SNRPD1: variants seen among roughly 807,000 people sequenced by gnomAD.
The protein encoded by SNRPD1 is small nuclear ribonucleoprotein D1 polypeptide.
A neutral mutation model predicts 14.4 loss-of-function variants in SNRPD1; 1 was observed. That is an observed-to-expected ratio of 0.07 (90% CI 0.02 to 0.33). SNRPD1 has a LOEUF of 0.33. Ranked by LOEUF, SNRPD1 falls within the 10% of genes least tolerant of loss-of-function variation. SNRPD1 has a pLI of 1.00. For synonymous variants in SNRPD1, 42 were observed against 50.3 expected (o/e 0.83, Z 0.70); for missense variants, 52 against 146.4 (o/e 0.36, Z 3.33).
Position 21,612,390 on chromosome 18 carries a change from C to G in SNRPD1, c.-40C>G, listed in dbSNP as rs761271557. ...TCGGTCAGTGTTCGGTTGAAGGATT[C>G]TGTGTGCTGTCGGACCCAGAGGGTG... On this transcript the variant is annotated 5_prime_UTR_variant, in exon 1 of 4. Transcript: ENST00000300413. 6 of 1,527,806 alleles carry G rather than the reference C, an allele frequency of 3.9e-6. No individual in the cohort carries two copies. The highest frequency in any genetic ancestry group is 3.8e-5 in the Admixed American group (2 of 52,504). The allele number at this position is 1,527,806 out of a possible 1,614,324, so 94.6% of individuals were successfully genotyped here.
intron 1 of SNRPD1, among the ~76,000 whole-genome samples, chr18:21,621,041 G>A (rs770458488): frequency 5.9e-5 from 9 of 151,850 alleles, no homozygotes; most frequent in South Asian, 2.1e-4. Flanking sequence ...GGTGGCGAGC[G>A]CCTGTAATCC....
At chr18:21,615,396 A>G (rs2038949816) in intron 1 of SNRPD1, among the ~76,000 whole-genome samples, 1 of 152,104 alleles carries the variant, frequency 6.6e-6, no homozygotes, top group East Asian at 1.9e-4. Context: ...CGGGTAGATC[A>G]CCTGAGGTCA....
At chr18:21,624,672 C>T (rs569067017) in intron 3 of SNRPD1, among the ~76,000 whole-genome samples, 2 of 144,528 alleles carry the variant, frequency 1.4e-5, no homozygotes, top group South Asian at 4.4e-4. Flanking sequence ...GCCTGGGCTA[C>T]AGAGTGAGAC....
At chr18:21,626,310 C>A (rs952893928) in intron 3 of SNRPD1, among the ~76,000 whole-genome samples, 8 of 142,138 alleles carry the variant, frequency 5.6e-5, no homozygotes, top group Admixed American at 1.5e-4. Context: ...AGGAGAATTT[C>A]TTGAACCCAG....
At chr18:21,613,018 CT>C (rs1451227983) in intron 1 of SNRPD1, among the ~76,000 whole-genome samples, 1 of 152,088 alleles carries the variant, frequency 6.6e-6, no homozygotes, top group African/African-American at 2.4e-5. Flanking sequence ...TTAAGTTTAC[CT>C]TTTTATCCTC....
chr18:21,615,317 G>C (rs1223124143), intron 1 of SNRPD1, among the ~76,000 whole-genome samples: 2 of 152,144 alleles, frequency 1.3e-5, no homozygotes, highest in African/African-American at 4.8e-5. Context: ...TTGTGTGTTT[G>C]GAAGTTCTGT....
Position 21,633,109 on chromosome 18 carries a change from C to T in SNRPD1, c.*3971C>T, listed in dbSNP as rs906039429. The T allele has an allele frequency of 2.6e-5, 4 of 152,202 alleles. No homozygotes were observed. The highest frequency in any genetic ancestry group is 9.7e-5 in the African/African-American group (4 of 41,440). 9.4% of individuals were successfully genotyped at this position (152,202 alleles called of 1,614,324 possible). Reference sequence around the variant, plus strand: ...TCGTGATTCGCCCGCCTCGGCCTCCCAAAGTGCTGGGATTACAGGCGTGAG... The same window carrying T: ...TCGTGATTCGCCCGCCTCGGCCTCCTAAAGTGCTGGGATTACAGGCGTGAG... On this transcript the variant is annotated 3_prime_UTR_variant, in exon 4 of 4. Coordinates refer to ENST00000300413, the MANE Select transcript of SNRPD1 (RefSeq NM_006938.4).
Position 21,630,034 on chromosome 18 carries a change from TCTTA to T in SNRPD1, c.*900_*903del, listed in dbSNP as rs1241113366. 1 of 152,192 alleles carries T rather than the reference TCTTA, an allele frequency of 6.6e-6. No homozygotes were observed. Among genetic ancestry groups the T allele is most frequent in the African/African-American group, 2.4e-5 (1 of 41,442 alleles). 9.4% of individuals were successfully genotyped at this position (152,192 alleles called of 1,614,324 possible). The stretch of plus-strand genomic sequence containing the variant: ...TTGCTTTGTTGTCTAGCTGCTAATG[TCTTA>T]CTTTTGTTTCTTTTGCTTTTTAATC... On this transcript the variant is annotated 3_prime_UTR_variant, in exon 4 of 4. Transcript: ENST00000300413.
chr18:21,614,816 T>G (rs965604467), intron 1 of SNRPD1, among the ~76,000 whole-genome samples: 1 of 152,190 alleles, frequency 6.6e-6, no homozygotes, highest in East Asian at 1.9e-4. Context: ...CAGTGAAAGA[T>G]TCATCTGAAA....
chr18:21,614,543 A>T (rs117688795), intron 1 of SNRPD1, among the ~76,000 whole-genome samples: 1 of 152,086 alleles, frequency 6.6e-6, no homozygotes, highest in East Asian at 1.9e-4. Context: ...TTTTCAGTAG[A>T]TTTATTTCTG....
At chr18:21,622,627 T>C in intron 1 of SNRPD1, 98 bp from the exon 2 acceptor site, 1 of 649,032 alleles carries the variant, frequency 1.5e-6, no homozygotes, top group South Asian at 1.9e-5. Context: ...GCAGATAGCA[T>C]CTAGCAAATT....
At chr18:21,617,566 T>G (rs778824516) in intron 1 of SNRPD1, among the ~76,000 whole-genome samples, 22 of 152,218 alleles carry the variant, frequency 1.4e-4, no homozygotes, top group Non-Finnish European at 3.1e-4. Context: ...CTCTTTTAAA[T>G]GTGAATATGA....
rs2039066805 is a variant in SNRPD1 at position 21,629,754 on chromosome 18, A to C, written c.*616A>C. On this transcript the variant is annotated 3_prime_UTR_variant, in exon 4 of 4. Transcript: ENST00000300413. ...CCTTTAAGCTGAACTTGAGATATGT[A>C]AAGAGACTTTAGGCTAAACTTAACA... is the stretch of plus-strand genomic sequence containing the variant. 6.6e-6 allele frequency: 1 copy of C among 152,456 alleles called. No homozygotes were observed. The highest frequency in any genetic ancestry group is 1.5e-5 in the Non-Finnish European group (1 of 68,236). 9.4% of individuals were successfully genotyped at this position (152,456 alleles called of 1,614,324 possible).
chr18:21,627,194 G>A lies in SNRPD1; in HGVS notation c.284-1868G>A, dbSNP rs551017136. On this transcript the variant is annotated intron_variant, in intron 3 of 3. Coordinates refer to ENST00000300413, the MANE Select transcript of SNRPD1 (RefSeq NM_006938.4). ...TGAGGCAGGAGAATCGCTTGAACCC[G>A]AGAGGCGGAGATTGCAGTGAGCAGT... Among the ~76,000 whole-genome samples, 3 of 152,022 alleles carry A rather than the reference G, an allele frequency of 2.0e-5. No individual in the cohort carries two copies. The East Asian group carries it at 5.8e-4, about 29-fold the overall frequency.
intron 1 of SNRPD1, 123 bp from the exon 2 acceptor site, chr18:21,622,602 T>C: frequency 1.7e-6 from 1 of 601,736 alleles, no homozygotes; most frequent in Non-Finnish European, 3.0e-6. Context: ...ATGCAGATTA[T>C]TGATAGGAAT....
intron 3 of SNRPD1, among the ~76,000 whole-genome samples, chr18:21,627,436 T>G (rs998198089): frequency 1.0e-5 from 1 of 96,302 alleles, no homozygotes; most frequent in African/African-American, 3.7e-5. Flanking sequence ...TTTCTTGGGT[T>G]TTTTTTTTTT....
rs2039080202 is a variant in SNRPD1 at position 21,631,128 on chromosome 18, A to G, written c.*1990A>G. 3 of 151,640 alleles carry G rather than the reference A, an allele frequency of 2.0e-5. No homozygotes were observed. Among genetic ancestry groups the G allele is most frequent in the South Asian group, 4.2e-4 (2 of 4,800 alleles). 9.4% of individuals were successfully genotyped at this position (151,640 alleles called of 1,614,324 possible). A position where few individuals can be genotyped will look rare whatever the true frequency, so the allele number is the denominator to read the frequency against. The stretch of plus-strand genomic sequence containing the variant: ...TATGAAATTCATGATGATTAAGACA[A>G]TTTTTTCTTTCTTTCTTTTGAGACA... On this transcript the variant is annotated 3_prime_UTR_variant, in exon 4 of 4. Transcript: ENST00000300413.
rs995936965 is a variant in SNRPD1 at position 21,629,469 on chromosome 18, T to C, written c.*331T>C. ...AGCAAAGGACAATTCACAAATCAGG[T>C]AGCCCCTGAACCATAATAGGCTCAG... On this transcript the variant is annotated 3_prime_UTR_variant, in exon 4 of 4. Coordinates refer to ENST00000300413, the MANE Select transcript of SNRPD1 (RefSeq NM_006938.4). 4.7e-5 allele frequency: 10 copies of C among 212,948 alleles called. No individual in the cohort carries two copies. Among genetic ancestry groups the C allele is most frequent in the African/African-American group, 1.9e-4 (8 of 42,908 alleles). 13.2% of individuals were successfully genotyped at this position (212,948 alleles called of 1,614,324 possible).
At position 21,625,316 on chromosome 18, in the gene SNRPD1, A is replaced by AT. The variant is rs144395165; in HGVS notation, c.283+1394dup. ...TCTATTTAAAATTTTGTTGAAAAAA[A>AT]TTTTTTTTTTTTTTTTTGAGATGGA... On this transcript the variant is annotated intron_variant, in intron 3 of 3. Coordinates refer to ENST00000300413, the MANE Select transcript of SNRPD1 (RefSeq NM_006938.4). 2.1e-3 allele frequency among the ~76,000 whole-genome samples: 232 copies of AT among 109,100 alleles called. 4 individuals are homozygous for AT. Among genetic ancestry groups the AT allele is most frequent in the East Asian group, 5.2e-3 (19 of 3,654 alleles). 71.6% of individuals were successfully genotyped at this position (109,100 alleles called of 152,430 possible).
Sources: allele counts gnomAD v4.1 joint callset (sites outside exome capture counted in the v4.1 genomes callset), GRCh38; gene constraint gnomAD v4.1.1; transcripts MANE v1.5; gene names NCBI Gene and HGNC (gene_info 2026-07-23, HGNC 2026-07-21).